Variants in PRKCB observed in about 807,000 individuals in gnomAD.
PRKCB encodes protein kinase C beta, also known as protein kinase C beta type.
A neutral mutation model predicts 81.5 loss-of-function variants in PRKCB; 13 were observed. The observed-to-expected ratio is 0.16, with a 90% confidence interval of 0.10 to 0.25. The LOEUF (loss-of-function observed/expected upper bound fraction) is 0.25. PRKCB is among the 10% of genes least tolerant of loss of function. The pLI, the probability that PRKCB is intolerant of heterozygous loss-of-function variation, is 1.00. For missense variants in PRKCB, 509 were observed against 875.7 expected (o/e 0.58, Z 5.29); for synonymous variants, 335 against 321.4 (o/e 1.04, Z -0.45).
intron 2 of PRKCB, among the ~76,000 whole-genome samples, chr16:23,855,165 G>GGA (rs148520313): frequency 1.7e-4 from 25 of 149,868 alleles, no homozygotes; most frequent in East Asian, 1.6e-3. Flanking sequence ...GGGGGTGGCA[G>GGA]GAGAGAGAGA....
chr16:24,199,320 T>G (rs1967922861), intron 16 of PRKCB, among the ~76,000 whole-genome samples: 1 of 152,228 alleles, frequency 6.6e-6, no homozygotes, highest in Non-Finnish European at 1.5e-5. Flanking sequence ...AAGTACTGCT[T>G]TAATGAGCTG....
chr16:24,108,861 T>G (rs1966617828), intron 7 of PRKCB, among the ~76,000 whole-genome samples: 1 of 151,978 alleles, frequency 6.6e-6, no homozygotes, highest in African/African-American at 2.4e-5. Flanking sequence ...CTCAATGAGC[T>G]GTTGGGCACA....
At chr16:23,870,492 A>G (rs1265523775) in intron 2 of PRKCB, among the ~76,000 whole-genome samples, 1 of 152,234 alleles carries the variant, frequency 6.6e-6, no homozygotes, top group Non-Finnish European at 1.5e-5. Context: ...AAGAGGCAGA[A>G]TTGGGGCTTC....
chr16:23,974,508 A>G (rs1439440923), intron 2 of PRKCB, among the ~76,000 whole-genome samples: 3 of 152,184 alleles, frequency 2.0e-5, no homozygotes, highest in Non-Finnish European at 4.4e-5. Context: ...GGGCAGGATC[A>G]GGACTGAGGC....
rs376046192 is a variant in PRKCB at position 23,949,828 on chromosome 16, G to A, written c.206-38680G>A. On this transcript the variant is annotated intron_variant, in intron 2 of 16. Coordinates refer to ENST00000643927, the MANE Select transcript of PRKCB (RefSeq NM_002738.7). ...CCCATTTTACAGATGAAGACACTGAGGCAAGAGAGCTTAAATTAATTGCCT... is the reference window on the plus strand; with the variant it reads ...CCCATTTTACAGATGAAGACACTGAAGCAAGAGAGCTTAAATTAATTGCCT... 3.9e-5 allele frequency among the ~76,000 whole-genome samples: 6 copies of A among 152,328 alleles called. No individual in the cohort carries two copies. In the East Asian group the frequency reaches 7.7e-4, roughly 20 times the overall value.
intron 16 of PRKCB, among the ~76,000 whole-genome samples, chr16:24,204,408 A>G (rs1437091370): frequency 1.3e-5 from 2 of 152,102 alleles, no homozygotes; most frequent in Non-Finnish European, 2.9e-5. Context: ...ACTTGACCCT[A>G]TATGACCCTG....
intron 2 of PRKCB, among the ~76,000 whole-genome samples, chr16:23,984,064 AAACATAGGAT>A (rs529975080): frequency 2.9e-3 from 436 of 152,342 alleles, no homozygotes; most frequent in African/African-American, 0.01. Flanking sequence ...ACTAAATATA[AAACATAGGAT>A]GCAGCCAAAA....
chr16:23,956,678 C>T (rs13332193), intron 2 of PRKCB, among the ~76,000 whole-genome samples: 25,083 of 152,082 alleles, frequency 0.16, 2,330 homozygotes, highest in African/African-American at 0.24. Context: ...CACGAAAGTG[C>T]CTCTTAGAAA....
rs755505988 is a variant in PRKCB, at chr16:24,174,524, C to T, written c.1338C>T (p.Tyr446=). ...GRFKEPHAVF[Y]AAEIAIGLFF... ...TTTTTTTTTTTAATTTCAGATTTTA[C>T]GCTGCAGAAATTGCCATCGGTCTGT... Residue 446 remains tyrosine (Y), a synonymous_variant, in exon 12 of 17, where the codon TAC becomes TAT. Transcript: ENST00000643927. The T allele has an allele frequency of 2.1e-5, 33 of 1,602,364 alleles. No individual in the cohort carries two copies. The highest frequency in any genetic ancestry group is 1.8e-4 in the East Asian group (8 of 44,576).
intron 2 of PRKCB, among the ~76,000 whole-genome samples, chr16:23,882,517 C>T (rs926295596): frequency 9.9e-5 from 15 of 152,148 alleles, no homozygotes; most frequent in African/African-American, 3.1e-4. Context: ...AAAGTGAAGG[C>T]GTGAGCCATT....
intron 10 of PRKCB, among the ~76,000 whole-genome samples, chr16:24,158,541 AGTATATGTATAT>A (rs869132220): frequency 1.9e-5 from 2 of 105,654 alleles, no homozygotes; most frequent in Admixed American, 9.6e-5. Context: ...TATATGTATA[AGTATATGTATAT>A]GTATATGTAT....
intron 6 of PRKCB, among the ~76,000 whole-genome samples, chr16:24,093,508 G>A (rs563116343): frequency 1.3e-5 from 2 of 152,290 alleles, no homozygotes; most frequent in East Asian, 1.9e-4. Flanking sequence ...TAAGCGATCC[G>A]ACTTCATCGG....
At chr16:23,985,163 C>T (rs1162843362) in intron 2 of PRKCB, among the ~76,000 whole-genome samples, 1 of 152,102 alleles carries the variant, frequency 6.6e-6, no homozygotes, top group Non-Finnish European at 1.5e-5. Context: ...ATGATATTGG[C>T]TCACTTCAAC....
At chr16:24,152,414 GAC>G (rs1967094310) in intron 9 of PRKCB, among the ~76,000 whole-genome samples, 1 of 152,194 alleles carries the variant, frequency 6.6e-6, no homozygotes, top group African/African-American at 2.4e-5. Flanking sequence ...TTTGGGTGGG[GAC>G]ACAGCCAAAC....
intron 2 of PRKCB, among the ~76,000 whole-genome samples, chr16:23,971,210 T>C (rs78074357): frequency 0.052 from 7,950 of 152,272 alleles, 594 homozygotes; most frequent in African/African-American, 0.17. Flanking sequence ...ATCGATCAGC[T>C]CTAATCAAAA....
At chr16:24,203,602 AG>A in intron 16 of PRKCB, among the ~76,000 whole-genome samples, 1 of 152,184 alleles carries the variant, frequency 6.6e-6, no homozygotes, top group African/African-American at 2.4e-5. Context: ...CACTCCCAAT[AG>A]AAATTCCAAC....
rs141080898 is a variant in PRKCB, at chr16:23,974,244, T to C, written c.206-14264T>C. Among the ~76,000 whole-genome samples the C allele has an allele frequency of 4.3e-3, 653 of 152,180 alleles. 4 individuals are homozygous for C. Among genetic ancestry groups the C allele is most frequent in the African/African-American group, 0.015 (626 of 41,520 alleles). On this transcript the variant is annotated intron_variant, in intron 2 of 16. Coordinates refer to ENST00000643927, the MANE Select transcript of PRKCB (RefSeq NM_002738.7). ...GAATGAGAACTTGGCTTGGGGCATG[T>C]TCTGTTCATCTGAATGGTGGTGCTG...
chr16:24,181,205 A>G (rs1485354162), intron 13 of PRKCB, among the ~76,000 whole-genome samples: 2 of 152,120 alleles, frequency 1.3e-5, no homozygotes, highest in Non-Finnish European at 2.9e-5. Flanking sequence ...TCTTCGTCAA[A>G]CTGTTGTGGC....
intron 2 of PRKCB, among the ~76,000 whole-genome samples, chr16:23,907,976 G>T (rs1046633127): frequency 2.0e-5 from 3 of 152,230 alleles, no homozygotes; most frequent in Admixed American, 6.5e-5. Context: ...AGGAGTAAAA[G>T]AGTCCATGGG....
Sources: allele counts gnomAD v4.1 joint callset (sites outside exome capture counted in the v4.1 genomes callset), GRCh38; gene constraint gnomAD v4.1.1; transcripts MANE v1.5; gene names NCBI Gene and HGNC (gene_info 2026-07-23, HGNC 2026-07-21).